The following SLC39A11 variants were observed in gnomAD, a reference collection of about 807,000 sequenced individuals.
The protein encoded by SLC39A11 is zinc transporter ZIP11.
A neutral mutation model predicts 36.1 loss-of-function variants in SLC39A11; 33 were observed. The ratio of observed to expected loss-of-function variants is 0.91; its 90% confidence interval spans 0.69 to 1.22. SLC39A11 has a LOEUF of 1.22. Among genes scored for constraint, SLC39A11 ranks in the 50% most tolerant of loss-of-function variants. The pLI, the probability that SLC39A11 is intolerant of heterozygous loss-of-function variation, is 0.00. For missense variants in SLC39A11, 432 were observed against 430.3 expected (o/e 1.00, Z -0.03); for synonymous variants, 166 against 170.3 (o/e 0.97, Z 0.20).
At chr17:73,043,023 T>C (rs1168228614) in intron 3 of SLC39A11, among the ~76,000 whole-genome samples, 1 of 147,916 alleles carries the variant, frequency 6.8e-6, no homozygotes, top group African/African-American at 2.5e-5. Flanking sequence ...CTCCAGGAGC[T>C]GGCTCTGGAC....
At chr17:73,019,554 T>C (rs966094078) in intron 4 of SLC39A11, among the ~76,000 whole-genome samples, 16 of 152,108 alleles carry the variant, frequency 1.1e-4, no homozygotes, top group Non-Finnish European at 2.2e-4. Context: ...TAATTCAAGG[T>C]AGACCATGAT....
At chr17:72,796,108 G>A (rs1407012928) in intron 6 of SLC39A11, among the ~76,000 whole-genome samples, 2 of 152,164 alleles carry the variant, frequency 1.3e-5, no homozygotes, top group Admixed American at 6.5e-5. Context: ...TAGGACTGCA[G>A]CTCACATACT....
chr17:73,078,353 T>G (rs757500367), intron 3 of SLC39A11, among the ~76,000 whole-genome samples: 2 of 152,330 alleles, frequency 1.3e-5, no homozygotes, highest in Non-Finnish European at 2.9e-5. Flanking sequence ...GATATCATTT[T>G]AGGCATGTAA....
At chr17:72,708,477 G>A (rs2567497) in intron 7 of SLC39A11, among the ~76,000 whole-genome samples, 40,713 of 152,032 alleles carry the variant, frequency 0.27, 6,610 homozygotes, top group African/African-American at 0.46. Flanking sequence ...CAAATTCTTC[G>A]TAACAAATCT....
chr17:72,798,264 C>T (rs747960747), intron 6 of SLC39A11, among the ~76,000 whole-genome samples: 1 of 151,470 alleles, frequency 6.6e-6, no homozygotes, highest in Non-Finnish European at 1.5e-5. Context: ...ATGTGTAGAG[C>T]GGTTCTGGAG....
intron 4 of SLC39A11, among the ~76,000 whole-genome samples, chr17:73,001,149 A>G (rs1423018127): frequency 1.3e-5 from 2 of 151,710 alleles, no homozygotes; most frequent in Non-Finnish European, 2.9e-5. Flanking sequence ...AATAATTCCA[A>G]CTTCTTTCTC....
chr17:73,039,266 G>A (rs564148964), intron 3 of SLC39A11, among the ~76,000 whole-genome samples: 1 of 152,080 alleles, frequency 6.6e-6, no homozygotes, highest in South Asian at 2.1e-4. Flanking sequence ...TATGCCTTCT[G>A]CAGACATCCT....
rs35076559 is a variant in SLC39A11 at position 72,753,889 on chromosome 17, CAAAAAA to C, written c.602-17176_602-17171del. On this transcript the variant is annotated intron_variant, in intron 6 of 9. Coordinates refer to ENST00000255559, the MANE Select transcript of SLC39A11 (RefSeq NM_139177.4). Reference sequence around the variant, plus strand: ...TCTACCCATAGGAAAAGTCATTATACAAAAAAAAAAAAAAAAAAAAAAACCTGCACA... The same window carrying C: ...TCTACCCATAGGAAAAGTCATTATACAAAAAAAAAAAAAAAAACCTGCACA... 7.7e-5 allele frequency among the ~76,000 whole-genome samples: 4 copies of C among 51,932 alleles called. No individual in the cohort carries two copies. The East Asian group carries it at 1.8e-3, about 24-fold the overall frequency. 34.1% of individuals were successfully genotyped at this position (51,932 alleles called of 152,430 possible). A position where few individuals can be genotyped will look rare whatever the true frequency, so the allele number is the denominator to read the frequency against.
At position 72,789,380 on chromosome 17, in the gene SLC39A11, A is replaced by T. The variant is rs530106921; in HGVS notation, c.602-52661T>A. ...CTTAGCACATGCACTGTGACGTGCT[A>T]TCATGGAGAAGAACAATGGAGGCCA... On this transcript the variant is annotated intron_variant, in intron 6 of 9. Coordinates refer to ENST00000255559, the MANE Select transcript of SLC39A11 (RefSeq NM_139177.4). 3.9e-5 allele frequency among the ~76,000 whole-genome samples: 6 copies of T among 152,332 alleles called. No homozygotes were observed. The South Asian group carries it at 1.2e-3, about 32-fold the overall frequency.
intron 5 of SLC39A11, among the ~76,000 whole-genome samples, chr17:72,869,359 T>A (rs1401469005): frequency 6.6e-6 from 1 of 152,192 alleles, no homozygotes; most frequent in Non-Finnish European, 1.5e-5. Flanking sequence ...GTACTACGAA[T>A]AAGTGGGAAA....
chr17:73,073,237 T>A (rs2060218096), intron 3 of SLC39A11, among the ~76,000 whole-genome samples: 1 of 152,300 alleles, frequency 6.6e-6, no homozygotes, highest in South Asian at 2.1e-4. Context: ...AGGGTCCCAA[T>A]ACCCCAATTA....
rs140232189 is a variant in SLC39A11 at position 72,655,143 on chromosome 17, G to A, written c.672-5875C>T. 5.4e-3 allele frequency among the ~76,000 whole-genome samples: 827 copies of A among 152,354 alleles called. 7 individuals carry two copies. The highest frequency in any genetic ancestry group is 0.019 in the African/African-American group (780 of 41,594). On this transcript the variant is annotated intron_variant, in intron 7 of 9. Transcript: ENST00000255559. Reference sequence around the variant, plus strand: ...CACTCCTGGGCTCCTTTGCTCCCCAGCAGGGGCTGGCACCACAGTTTCTCT... The same window carrying A: ...CACTCCTGGGCTCCTTTGCTCCCCAACAGGGGCTGGCACCACAGTTTCTCT...
At chr17:73,001,959 G>A (rs1421617404) in intron 4 of SLC39A11, among the ~76,000 whole-genome samples, 1 of 152,120 alleles carries the variant, frequency 6.6e-6, no homozygotes, top group African/African-American at 2.4e-5. Flanking sequence ...GGAAAGAATG[G>A]TGAAAACATG....
At chr17:72,773,169 C>G (rs945308364) in intron 6 of SLC39A11, among the ~76,000 whole-genome samples, 2 of 152,300 alleles carry the variant, frequency 1.3e-5, no homozygotes, top group African/African-American at 4.8e-5. Context: ...CAGGCTATGC[C>G]TTGACACAAA....
intron 4 of SLC39A11, among the ~76,000 whole-genome samples, chr17:72,999,436 T>C (rs999136320): frequency 1.9e-4 from 29 of 152,366 alleles, no homozygotes; most frequent in African/African-American, 6.5e-4. Flanking sequence ...CTTAGCACTC[T>C]GCAGGGAAAG....
chr17:73,068,664 T>G (rs909705570), intron 3 of SLC39A11, among the ~76,000 whole-genome samples: 1 of 152,176 alleles, frequency 6.6e-6, no homozygotes, highest in Non-Finnish European at 1.5e-5. Context: ...ACAGCTTTGC[T>G]TGACTACTTT....
chr17:72,969,923 C>G (rs1488715452), intron 4 of SLC39A11, among the ~76,000 whole-genome samples: 3 of 152,166 alleles, frequency 2.0e-5, no homozygotes, highest in Non-Finnish European at 4.4e-5. Context: ...AGAGATTCCT[C>G]CTCCTAAAAT....
chr17:72,831,533 A>G (rs2078286121), intron 6 of SLC39A11, among the ~76,000 whole-genome samples: 1 of 152,214 alleles, frequency 6.6e-6, no homozygotes, highest in Admixed American at 6.5e-5. Context: ...CATTCTTACA[A>G]TCACCTACTT....
intron 3 of SLC39A11, among the ~76,000 whole-genome samples, chr17:73,050,211 TGAG>T (rs1212733502): frequency 1.3e-5 from 2 of 151,088 alleles, no homozygotes; most frequent in African/African-American, 4.9e-5. Flanking sequence ...AAGGCTTCTC[TGAG>T]GAGGTGACAT....
Sources: allele counts gnomAD v4.1 joint callset (sites outside exome capture counted in the v4.1 genomes callset), GRCh38; gene constraint gnomAD v4.1.1; transcripts MANE v1.5; gene names NCBI Gene and HGNC (gene_info 2026-07-23, HGNC 2026-07-21).